PPP1CB: variants seen among roughly 807,000 people sequenced by gnomAD.
PPP1CB encodes the protein serine/threonine-protein phosphatase PP1-beta catalytic subunit.
Under a neutral mutation model 43.7 loss-of-function variants are expected in PPP1CB, and 2 were observed. The ratio of observed to expected loss-of-function variants is 0.05; its 90% confidence interval spans 0.02 to 0.14. The LOEUF (loss-of-function observed/expected upper bound fraction) is 0.14, where lower values mean the gene tolerates loss of function less well. Ranked by LOEUF, PPP1CB falls within the 10% of genes least tolerant of loss-of-function variation. The pLI, the probability that PPP1CB is intolerant of heterozygous loss-of-function variation, is 1.00. For missense variants in PPP1CB, 84 were observed against 398.0 expected (o/e 0.21, Z 6.71); for synonymous variants, 136 against 135.6 (o/e 1.00, Z -0.02).
At chr2:28,753,806 T>G (rs1666408847) in intron 1 of PPP1CB, among the ~76,000 whole-genome samples, 1 of 152,196 alleles carries the variant, frequency 6.6e-6, no homozygotes, top group South Asian at 2.1e-4. Context: ...CGGTCTCAGC[T>G]CACTGCAACC....
intron 7 of PPP1CB, among the ~76,000 whole-genome samples, chr2:28,795,351 G>A (rs1158719253): frequency 6.6e-6 from 1 of 152,138 alleles, no homozygotes; most frequent in Non-Finnish European, 1.5e-5. Context: ...TAGTGGGATT[G>A]CTGGGTCGAA....
At chr2:28,753,756 C>T (rs904406547) in intron 1 of PPP1CB, among the ~76,000 whole-genome samples, 2 of 151,690 alleles carry the variant, frequency 1.3e-5, no homozygotes, top group Admixed American at 6.6e-5. Context: ...TTTTTTGAGA[C>T]GGAGTCTCAC....
At position 28,801,151 on chromosome 2, in the gene PPP1CB, C is replaced by T. The variant is rs1231054797; in HGVS notation, c.*1848C>T. On this transcript the variant is annotated 3_prime_UTR_variant, in exon 8 of 8. Transcript: ENST00000395366. ...GAAATGATTCTTTTCTGAAAGTATTCATGATCTGCATATGATGTATTAGGT... is the reference window on the plus strand; with the variant it reads ...GAAATGATTCTTTTCTGAAAGTATTTATGATCTGCATATGATGTATTAGGT... 1.3e-5 allele frequency: 2 copies of T among 151,924 alleles called. No homozygotes were observed. 9.4% of individuals were successfully genotyped at this position (151,924 alleles called of 1,614,324 possible).
chr2:28,785,019 A>G (rs1391454785), intron 5 of PPP1CB, among the ~76,000 whole-genome samples: 2 of 146,704 alleles, frequency 1.4e-5, no homozygotes, highest in East Asian at 4.0e-4. Context: ...CTCTGATGTC[A>G]GTAGCCATGT....
intron 5 of PPP1CB, among the ~76,000 whole-genome samples, chr2:28,784,988 C>T (rs756962383): frequency 2.0e-5 from 3 of 146,864 alleles, no homozygotes; most frequent in Non-Finnish European, 4.5e-5. Flanking sequence ...TACACATCAA[C>T]CATTATAAAT....
intron 6 of PPP1CB, among the ~76,000 whole-genome samples, chr2:28,789,619 G>A (rs1025031843): frequency 2.6e-4 from 29 of 109,446 alleles, no homozygotes; most frequent in Admixed American, 1.8e-3. Flanking sequence ...TTTTTTTTGA[G>A]ATGGAGTCTC....
intron 7 of PPP1CB, 62 bp downstream of exon 7, chr2:28,794,059 G>A (rs559933133): frequency 1.3e-3 from 1,877 of 1,410,370 alleles, no homozygotes; most frequent in Non-Finnish European, 1.7e-3. Context: ...ATCAGAATTC[G>A]TTTTAGATTT....
chr2:28,752,197 G>A (rs1666314566), intron 1 of PPP1CB, 21 bp downstream of exon 1: 1 of 1,530,186 alleles, frequency 6.5e-7, no homozygotes, highest in African/African-American at 1.4e-5. Context: ...GCCTGGCCGC[G>A]GGACAGAGGG....
intron 7 of PPP1CB, among the ~76,000 whole-genome samples, chr2:28,796,844 C>T (rs1312238604): frequency 6.6e-6 from 1 of 152,086 alleles, no homozygotes; most frequent in Non-Finnish European, 1.5e-5. Flanking sequence ...TCATCCTAGT[C>T]TCTTGTTCCA....
rs1010167811 is a variant in PPP1CB at position 28,801,590 on chromosome 2, C to A, written c.*2287C>A. 3.9e-5 allele frequency: 6 copies of A among 152,038 alleles called. No individual in the cohort carries two copies. The highest frequency in any genetic ancestry group is 1.4e-4 in the African/African-American group (6 of 41,408). The allele number at this position is 152,038 out of a possible 1,614,324, so 9.4% of individuals were successfully genotyped here. A position where few individuals can be genotyped will look rare whatever the true frequency, so the allele number is the denominator to read the frequency against. On this transcript the variant is annotated 3_prime_UTR_variant, in exon 8 of 8. Coordinates refer to ENST00000395366, the MANE Select transcript of PPP1CB (RefSeq NM_002709.3). Reference sequence around the variant, plus strand: ...CAGCCTCCAGTCATAAAAATGTGTTCTTTACAAATATTTGCTTGGCAACAC... The same window carrying A: ...CAGCCTCCAGTCATAAAAATGTGTTATTTACAAATATTTGCTTGGCAACAC...
At chr2:28,758,236 T>C (rs1358038078) in intron 1 of PPP1CB, among the ~76,000 whole-genome samples, 2 of 151,970 alleles carry the variant, frequency 1.3e-5, no homozygotes, top group Non-Finnish European at 2.9e-5. Context: ...AATCTTACTT[T>C]GTTGCCCAGG....
intron 1 of PPP1CB, among the ~76,000 whole-genome samples, chr2:28,757,449 C>T (rs568039623): frequency 1.3e-5 from 2 of 152,132 alleles, no homozygotes; most frequent in Admixed American, 1.3e-4. Context: ...TTTTGATGAG[C>T]TGCCAGGTTG....
At chr2:28,795,986 C>G (rs1667489052) in intron 7 of PPP1CB, among the ~76,000 whole-genome samples, 1 of 151,982 alleles carries the variant, frequency 6.6e-6, no homozygotes, top group Non-Finnish European at 1.5e-5. Flanking sequence ...TGAAAGGGGT[C>G]CAGTTTCAGT....
chr2:28,796,451 C>T (rs1180184760), intron 7 of PPP1CB, among the ~76,000 whole-genome samples: 1 of 152,120 alleles, frequency 6.6e-6, no homozygotes, highest in Non-Finnish European at 1.5e-5. Context: ...TTGTTTGCAT[C>T]ACCTCTGATT....
chr2:28,791,459 T>C (rs1319949022), intron 6 of PPP1CB, among the ~76,000 whole-genome samples: 4 of 151,950 alleles, frequency 2.6e-5, no homozygotes, highest in African/African-American at 9.7e-5. Flanking sequence ...GCCTCCCGAG[T>C]AGCTGGGACT....
At chr2:28,783,777 A>G (rs929332421) in intron 4 of PPP1CB, 130 bp from the exon 5 acceptor site, 46 of 658,204 alleles carry the variant, frequency 7.0e-5, no homozygotes, top group Non-Finnish European at 1.1e-4. Context: ...AAAGACGTTA[A>G]AAGGAACACT....
intron 5 of PPP1CB, among the ~76,000 whole-genome samples, chr2:28,786,791 A>AAAG (rs1667276460): frequency 6.6e-6 from 1 of 151,706 alleles, no homozygotes; most frequent in African/African-American, 2.4e-5. Flanking sequence ...AAAAAAAAAA[A>AAAG]AAAAGAAATT....
chr2:28,779,273 A>C (rs778249458), intron 3 of PPP1CB, among the ~76,000 whole-genome samples: 2 of 152,172 alleles, frequency 1.3e-5, no homozygotes, highest in Non-Finnish European at 2.9e-5. Context: ...GGCTCTTTTA[A>C]AATTAGTTTA....
chr2:28,776,128 A>G (rs772503161), intron 1 of PPP1CB, among the ~76,000 whole-genome samples: 26 of 151,704 alleles, frequency 1.7e-4, no homozygotes, highest in Admixed American at 1.6e-3. Flanking sequence ...CCCTTTCTTC[A>G]TAGCACATTG....
Sources: gnomAD v4.1 joint callset for allele counts (sites outside exome capture counted in the v4.1 genomes callset) on GRCh38, gnomAD v4.1.1 for gene constraint, MANE v1.5 for transcripts, NCBI Gene and HGNC (gene_info 2026-07-23, HGNC 2026-07-21) for gene names.